Variants in CLCN3 observed in about 807,000 individuals in gnomAD.
The protein encoded by CLCN3 is H(+)/Cl(-) exchange transporter 3.
In CLCN3, 16 loss-of-function variants were observed where a neutral mutation model predicts 83.4. That is an observed-to-expected ratio of 0.19 (90% CI 0.13 to 0.29). The LOEUF is 0.29. CLCN3 is among the 10% of genes least tolerant of loss of function. The probability of loss-of-function intolerance (pLI) is 1.00; values close to 1 mark genes in which losing one functional copy is unlikely to be tolerated. For synonymous variants in CLCN3, 322 were observed against 346.2 expected (o/e 0.93, Z 0.78); for missense variants, 544 against 1,006.0 (o/e 0.54, Z 6.21).
intron 1 of CLCN3, among the ~76,000 whole-genome samples, chr4:169,632,448 G>A (rs1773396692): frequency 6.6e-6 from 1 of 152,046 alleles, no homozygotes; most frequent in African/African-American, 2.4e-5. Flanking sequence ...AAGAAGCTGG[G>A]GCCAGGCGCG....
In CLCN3 at chr4:169,635,979, C is replaced by A; in HGVS notation, c.51C>A (p.Asn17Lys). ...GAGGCTACTATAGAAACAGCTACAA[C>A]AGTATAACAAGTGCAAGTAGTGATG... ...FHRGYYRNSYNSITSASSDEE... is the reference protein window; with the variant it reads ...FHRGYYRNSYKSITSASSDEE... The change falls in exon 2 of 13, where the codon AAC becomes AAA. Residue 17 changes from asparagine (N) to lysine (K), a missense_variant. Around this residue, in one of 6 missense-constraint regions of CLCN3, gnomAD observed 77 missense variants for 92.8 expected, o/e 0.83. Coordinates refer to ENST00000513761, the MANE Select transcript of CLCN3 (RefSeq NM_001829.4). 1 of 1,612,988 alleles carries A rather than the reference C, an allele frequency of 6.2e-7. No individual in the cohort carries two copies. The highest frequency in any genetic ancestry group is 1.1e-5 in the South Asian group (1 of 90,990).
At chr4:169,689,258 T>G in intron 5 of CLCN3, 28 bp downstream of exon 5, 2 of 1,575,878 alleles carry the variant, frequency 1.3e-6, no homozygotes, top group Admixed American at 1.8e-5. Flanking sequence ...TCAAGATGAA[T>G]TAATAATTGA....
intron 9 of CLCN3, among the ~76,000 whole-genome samples, chr4:169,701,148 T>C (rs565045279): frequency 6.6e-6 from 1 of 152,364 alleles, no homozygotes; most frequent in Admixed American, 6.5e-5. Context: ...CAACTAAGTT[T>C]AAGGAAAATT....
chr4:169,714,103 T>G (rs949199188), intron 12 of CLCN3, among the ~76,000 whole-genome samples: 3 of 152,206 alleles, frequency 2.0e-5, no homozygotes, highest in Admixed American at 2.0e-4. Context: ...CACACTTCTT[T>G]CTTTAGGACC....
At chr4:169,682,469 AT>A (rs1372759641) in intron 3 of CLCN3, among the ~76,000 whole-genome samples, 1 of 152,210 alleles carries the variant, frequency 6.6e-6, no homozygotes, top group Non-Finnish European at 1.5e-5. Flanking sequence ...CTGGAAAACC[AT>A]AGTTTGATGT....
intron 1 of CLCN3, 59 bp downstream of exon 1, chr4:169,621,122 A>G: frequency 2.5e-6 from 1 of 393,094 alleles, no homozygotes; most frequent in Non-Finnish European, 4.5e-6. Context: ...ATTTTGGGTC[A>G]ACTGTGAGGC....
chr4:169,717,074 T>C (rs761808446), intron 12 of CLCN3, among the ~76,000 whole-genome samples: 11 of 152,232 alleles, frequency 7.2e-5, no homozygotes, highest in Non-Finnish European at 1.5e-4. Context: ...TATGAGAATT[T>C]ATGTCCATCA....
intron 1 of CLCN3, among the ~76,000 whole-genome samples, chr4:169,622,195 TTTAC>T (rs575065612): frequency 5.9e-4 from 90 of 152,334 alleles, no homozygotes; most frequent in African/African-American, 2.1e-3. Context: ...TACCTACATT[TTTAC>T]TTGGAAATTG....
chr4:169,720,003 A>G lies in CLCN3; in HGVS notation c.*6A>G. 1 of 1,611,436 alleles carries G rather than the reference A, an allele frequency of 6.2e-7. No individual in the cohort carries two copies. The highest frequency in any genetic ancestry group is 8.5e-7 in the Non-Finnish European group (1 of 1,177,530). On this transcript the variant is annotated 3_prime_UTR_variant, in exon 13 of 13. Transcript: ENST00000513761. Reference sequence around the variant, plus strand: ...CTTCAATAATGTTCAACTGAATCTCACAGATGAGGAGAGAGAAGAAACGGA... The same window carrying G: ...CTTCAATAATGTTCAACTGAATCTCGCAGATGAGGAGAGAGAAGAAACGGA...
chr4:169,712,828 A>T (rs1039978203), intron 11 of CLCN3, among the ~76,000 whole-genome samples: 1 of 152,240 alleles, frequency 6.6e-6, no homozygotes, highest in African/African-American at 2.4e-5. Flanking sequence ...TTGTACGATG[A>T]TATAACTTTA....
At chr4:169,673,434 G>A (rs969281030) in intron 2 of CLCN3, among the ~76,000 whole-genome samples, 4 of 152,116 alleles carry the variant, frequency 2.6e-5, no homozygotes, top group Admixed American at 6.5e-5. Context: ...TTTCCACTTC[G>A]TCATTCGTAA....
At chr4:169,676,570 G>A (rs953146866) in intron 2 of CLCN3, among the ~76,000 whole-genome samples, 1 of 150,358 alleles carries the variant, frequency 6.7e-6, no homozygotes, top group Non-Finnish European at 1.5e-5. Context: ...GTGGCACGAC[G>A]ACCAACCTGG....
intron 3 of CLCN3, among the ~76,000 whole-genome samples, chr4:169,687,416 T>C (rs532420899): frequency 2.0e-5 from 3 of 152,166 alleles, no homozygotes; most frequent in South Asian, 4.1e-4. Flanking sequence ...CCCAGTCTCA[T>C]TGAAAGAAAA....
At chr4:169,712,325 A>T (rs1259039626) in intron 11 of CLCN3, among the ~76,000 whole-genome samples, 1 of 151,070 alleles carries the variant, frequency 6.6e-6, no homozygotes, top group Admixed American at 6.6e-5. Flanking sequence ...CATCTTTGCC[A>T]CTTCTTGTCT....
chr4:169,717,075 A>G (rs1189581755), intron 12 of CLCN3, among the ~76,000 whole-genome samples: 1 of 152,164 alleles, frequency 6.6e-6, no homozygotes. Context: ...ATGAGAATTT[A>G]TGTCCATCAC....
intron 1 of CLCN3, among the ~76,000 whole-genome samples, chr4:169,635,118 G>C (rs1773471169): frequency 6.6e-6 from 1 of 152,110 alleles, no homozygotes. Flanking sequence ...GTCATTTTCT[G>C]TGTGTACTTA....
chr4:169,624,381 G>T (rs377141152), intron 1 of CLCN3, among the ~76,000 whole-genome samples: 10 of 152,066 alleles, frequency 6.6e-5, no homozygotes, highest in Admixed American at 2.6e-4. Flanking sequence ...TGATCGACCC[G>T]CCTCGGCCAC....
intron 1 of CLCN3, among the ~76,000 whole-genome samples, chr4:169,631,347 C>T (rs559231191): frequency 1.3e-5 from 2 of 152,228 alleles, no homozygotes; most frequent in African/African-American, 2.4e-5. Flanking sequence ...AGTGCAGTGG[C>T]GCAATCTCGG....
chr4:169,700,948 G>T (rs2150259772), intron 9 of CLCN3, among the ~76,000 whole-genome samples: 1 of 152,302 alleles, frequency 6.6e-6, no homozygotes, highest in Admixed American at 6.5e-5. Context: ...TGATATTGGT[G>T]GTTGCTAGAG....
Sources: allele counts gnomAD v4.1 joint callset (sites outside exome capture counted in the v4.1 genomes callset), GRCh38; gene constraint gnomAD v4.1.1; regional missense constraint gnomAD v4.1.1; transcripts MANE v1.5; gene names NCBI Gene and HGNC (gene_info 2026-07-23, HGNC 2026-07-21).